ATP2A2: variants seen among roughly 807,000 people sequenced by gnomAD.
ATP2A2 encodes sarcoplasmic/endoplasmic reticulum calcium ATPase 2.
ATP2A2 carries 14 observed loss-of-function variants against 109.3 expected under a neutral mutation model. The observed-to-expected ratio is 0.13, with a 90% CI of 0.08 to 0.20. The LOEUF is 0.20. ATP2A2 is among the 10% of genes least tolerant of loss of function. ATP2A2 has a pLI of 1.00. For synonymous variants in ATP2A2, 506 were observed against 490.9 expected, an observed-to-expected ratio of 1.03 and a Z score of -0.41; for missense variants, 657 against 1,321.6, an observed-to-expected ratio of 0.50 and a Z score of 7.80.
intron 5 of ATP2A2, among the ~76,000 whole-genome samples, chr12:110,313,961 A>G (rs1275948554): frequency 6.7e-6 from 1 of 150,176 alleles, no homozygotes; most frequent in African/African-American, 2.4e-5. Flanking sequence ...AGATCCACCC[A>G]CCGTCAGCCT....
chr12:110,350,996 T>C lies in ATP2A2; in HGVS notation c.*4526T>C, dbSNP rs1461530367. On this transcript the variant is annotated 3_prime_UTR_variant, in exon 20 of 20. Transcript: ENST00000539276. ...ATTTATCACTGCGCATGTTTGACTT[T>C]AGACTGTAAATAGAGATCAGTTTGT... 1.3e-5 allele frequency: 2 copies of C among 153,150 alleles called. No homozygotes were observed. Among genetic ancestry groups the C allele is most frequent in the African/African-American group, 4.8e-5 (2 of 41,476 alleles). The allele number at this position is 153,150 out of a possible 1,614,324, so 9.5% of individuals were successfully genotyped here. A position where few individuals can be genotyped will look rare whatever the true frequency, so the allele number is the denominator to read the frequency against.
At chr12:110,302,106 T>G (rs1874716507) in intron 5 of ATP2A2, among the ~76,000 whole-genome samples, 2 of 152,186 alleles carry the variant, frequency 1.3e-5, no homozygotes, top group Non-Finnish European at 2.9e-5. Context: ...AATGGGATTT[T>G]CCTTATTTAT....
At chr12:110,334,675 C>T (rs1878668584) in intron 11 of ATP2A2, among the ~76,000 whole-genome samples, 1 of 150,920 alleles carries the variant, frequency 6.6e-6, no homozygotes, top group Admixed American at 6.6e-5. Flanking sequence ...GCAACCTCCA[C>T]CTCCCAGGTT....
chr12:110,334,635 T>G (rs1878664245), intron 11 of ATP2A2, among the ~76,000 whole-genome samples: 2 of 149,342 alleles, frequency 1.3e-5, no homozygotes, highest in African/African-American at 5.0e-5. Context: ...GTCACCAGAT[T>G]GGAGTGCCAT....
In ATP2A2 at chr12:110,340,997, G is replaced by T; in HGVS notation, c.2097+3G>T. ...CTTTTGATGAGATTACAGCTATGGT[G>T]AGCATGTTTGAACATGTACAGGTGA... On this transcript the variant is annotated splice_donor_region_variant and intron_variant, in intron 14 of 19. Transcript: ENST00000539276. The surrounding 1 kb of genome is among the most constrained non-coding windows in gnomAD (Gnocchi z 6.0). 3 of 1,614,032 alleles carry T rather than the reference G, an allele frequency of 1.9e-6. No homozygotes were observed. The highest frequency in any genetic ancestry group is 1.1e-5 in the South Asian group (1 of 91,064).
intron 11 of ATP2A2, among the ~76,000 whole-genome samples, chr12:110,335,730 G>A (rs114568034): frequency 1.2e-3 from 187 of 152,338 alleles, no homozygotes; most frequent in African/African-American, 4.4e-3. Flanking sequence ...TGGGAACTGC[G>A]GAAGCTGATT....
intron 5 of ATP2A2, among the ~76,000 whole-genome samples, chr12:110,319,559 G>T (rs1482236083): frequency 1.3e-5 from 2 of 149,704 alleles, no homozygotes; most frequent in African/African-American, 2.4e-5. Flanking sequence ...CTTTATAAAG[G>T]GAAAGAGTAC....
At chr12:110,302,739 C>T (rs1003022121) in intron 5 of ATP2A2, among the ~76,000 whole-genome samples, 1 of 152,052 alleles carries the variant, frequency 6.6e-6, no homozygotes, top group Non-Finnish European at 1.5e-5. Context: ...GCTGGGCTCA[C>T]CAGCATGCAC....
At chr12:110,333,952 G>A (rs1878586861) in intron 10 of ATP2A2, 60 bp from the exon 11 acceptor site, 17 of 1,608,328 alleles carry the variant, frequency 1.1e-5, no homozygotes, top group Non-Finnish European at 1.4e-5. Flanking sequence ...AAATATTAAA[G>A]ATAAATTTAT....
At chr12:110,325,479 C>G (rs758783396) in intron 6 of ATP2A2, among the ~76,000 whole-genome samples, 1 of 151,682 alleles carries the variant, frequency 6.6e-6, no homozygotes, top group Non-Finnish European at 1.5e-5. Flanking sequence ...ACTAAAAATA[C>G]AAAAATTAGC....
chr12:110,284,440 C>A (rs1347442569), intron 3 of ATP2A2, among the ~76,000 whole-genome samples: 3 of 152,102 alleles, frequency 2.0e-5, no homozygotes, highest in Admixed American at 2.0e-4. Context: ...CTCTGTGTTA[C>A]AAGTTGAAGC....
chr12:110,336,569 C>T (rs909462284), intron 11 of ATP2A2, among the ~76,000 whole-genome samples: 9 of 152,104 alleles, frequency 5.9e-5, no homozygotes, highest in African/African-American at 1.9e-4. Context: ...AAGTTCTAGA[C>T]CATCATGTCC....
chr12:110,349,902 G>T lies in ATP2A2; in HGVS notation c.*3432G>T. The T allele has an allele frequency of 1.8e-6, 2 of 1,103,038 alleles. No homozygotes were observed. Among genetic ancestry groups the T allele is most frequent in the Non-Finnish European group, 2.2e-6 (2 of 901,420 alleles). The allele number at this position is 1,103,038 out of a possible 1,614,324, so 68.3% of individuals were successfully genotyped here. A position where few individuals can be genotyped will look rare whatever the true frequency, so the allele number is the denominator to read the frequency against. ...AGAAGCCGGGTGCCCACAGGGCAGG[G>T]ACAGGAAGGCTGTGCTGCTACTGGC... On this transcript the variant is annotated 3_prime_UTR_variant, in exon 20 of 20. Transcript: ENST00000539276.
intron 1 of ATP2A2, among the ~76,000 whole-genome samples, 189 bp downstream of exon 1, chr12:110,282,096 T>A (rs1019293678): frequency 1.1e-4 from 16 of 151,806 alleles, no homozygotes; most frequent in African/African-American, 3.9e-4. Flanking sequence ...TCCCTGGACC[T>A]CTTCGCTTCT....
chr12:110,300,132 C>G (rs1220783547), intron 5 of ATP2A2, among the ~76,000 whole-genome samples: 1 of 142,804 alleles, frequency 7.0e-6, no homozygotes, highest in Non-Finnish European at 1.5e-5. Context: ...CCCTCCCCTC[C>G]CCTCCCCTCC....
chr12:110,326,083 A>G (rs1437577778), intron 6 of ATP2A2: 4 of 419,090 alleles, frequency 9.5e-6, no homozygotes, highest in African/African-American at 2.0e-5. Flanking sequence ...AGAGTATAAA[A>G]TGATTACTGA....
intron 5 of ATP2A2, among the ~76,000 whole-genome samples, chr12:110,319,223 G>GA (rs59623372): frequency 0.021 from 1,321 of 63,390 alleles, 11 homozygotes; most frequent in East Asian, 0.084. Flanking sequence ...AATAAAAAAT[G>GA]AAAAAAAAAA....
Position 110,342,119 on chromosome 12 carries a change from A to G in ATP2A2, c.2098-109A>G. ...AAATTCTAAAACTCTTTGCCAAGAGACCTACGGCTCTATTCATTTTCCTCC... is the reference window on the plus strand; with the variant it reads ...AAATTCTAAAACTCTTTGCCAAGAGGCCTACGGCTCTATTCATTTTCCTCC... On this transcript the variant is annotated intron_variant, in intron 14 of 19. Transcript: ENST00000539276. This position sits in a 1 kb window ranked among gnomAD's most constrained non-coding sequence, Gnocchi z 4.6. The G allele has an allele frequency of 2.4e-6, 3 of 1,239,100 alleles. No homozygotes were observed. The highest frequency in any genetic ancestry group is 2.4e-5 in the South Asian group (2 of 81,986). 76.8% of individuals were successfully genotyped at this position (1,239,100 alleles called of 1,614,324 possible).
In ATP2A2 at chr12:110,340,777, A is replaced by G; in HGVS notation, c.1880A>G (p.Asn627Ser). 1 of 1,614,188 alleles carries G rather than the reference A, an allele frequency of 6.2e-7. No individual in the cohort carries two copies. The highest frequency in any genetic ancestry group is 8.5e-7 in the Non-Finnish European group (1 of 1,180,028). Reference sequence around the variant, plus strand: ...CGGGTCATCATGATCACTGGGGACAACAAGGGCACTGCTGTGGCCATCTGT... The same window carrying G: ...CGGGTCATCATGATCACTGGGGACAGCAAGGGCACTGCTGTGGCCATCTGT... ...GIRVIMITGDNKGTAVAICRR... is the reference protein window; with the variant it reads ...GIRVIMITGDSKGTAVAICRR... Residue 627 changes from asparagine to serine, a missense_variant, in exon 14 of 20, where the codon AAC becomes AGC. Asn to Ser is a conservative substitution (Grantham distance 46). Transcript: ENST00000539276. This position sits in a 1 kb window ranked among gnomAD's most constrained non-coding sequence, Gnocchi z 6.0.
Sources: allele counts gnomAD v4.1 joint callset (sites outside exome capture counted in the v4.1 genomes callset), GRCh38; gene constraint gnomAD v4.1.1; non-coding constraint Gnocchi (gnomAD v3.1); transcripts MANE v1.5; gene names NCBI Gene and HGNC (gene_info 2026-07-23, HGNC 2026-07-21).